Variants in DMD observed in about 807,000 individuals in gnomAD.
DMD encodes dystrophin, also known as mutant dystrophin.
DMD carries 63 observed loss-of-function variants against 330.1 expected under a neutral mutation model. The observed-to-expected ratio is 0.19, with a 90% CI of 0.16 to 0.24. DMD has a LOEUF of 0.24. Among genes scored for constraint, DMD ranks in the 10% least tolerant of loss-of-function variants. The pLI is 1.00. For synonymous variants in DMD, 1,223 were observed against 959.8 expected, an observed-to-expected ratio of 1.27 and a Z score of -5.07; for missense variants, 3,344 against 2,684.1, an observed-to-expected ratio of 1.25 and a Z score of -5.43.
Position 31,831,748 on chromosome X carries a change from G to A in DMD, c.7200+4970C>T, listed in dbSNP as rs756067213. ...CGAGTAGCTGGGACTACAGATGCCT[G>A]CCACCAAGCCCGGCTAATTTTGTTT... is the stretch of plus-strand genomic sequence containing the variant. On this transcript the variant is annotated intron_variant, in intron 49 of 78. Coordinates refer to ENST00000357033, the MANE Select transcript of DMD (RefSeq NM_004006.3). 1.1e-4 allele frequency among the ~76,000 whole-genome samples: 12 copies of A among 110,540 alleles called. No homozygotes were observed. The South Asian group carries it at 1.9e-3, about 18-fold the overall frequency.
At chrX:31,898,528 C>A (rs1333336145) in intron 47 of DMD, among the ~76,000 whole-genome samples, 4 of 111,586 alleles carry the variant, frequency 3.6e-5, no homozygotes, top group African/African-American at 1.3e-4. Flanking sequence ...AAAGGATTCC[C>A]TATTTAATAA....
intron 11 of DMD, among the ~76,000 whole-genome samples, chrX:32,614,711 C>T (rs1183023563): frequency 9.0e-6 from 1 of 111,112 alleles, no homozygotes; most frequent in Non-Finnish European, 1.9e-5. Flanking sequence ...AACTGAAGTG[C>T]AAAGCATCTG....
intron 2 of DMD, among the ~76,000 whole-genome samples, chrX:32,903,386 C>T (rs756738078): frequency 2.7e-5 from 3 of 109,413 alleles, no homozygotes; most frequent in South Asian, 8.0e-4. Flanking sequence ...GCAGAGGAGG[C>T]GAGGTAGAGG....
chrX:31,925,142 G>C (rs1281053051), intron 47 of DMD, among the ~76,000 whole-genome samples: 1 of 110,642 alleles, frequency 9.0e-6, no homozygotes, highest in Non-Finnish European at 1.9e-5. Flanking sequence ...TCTCAAAAAG[G>C]GCAAAAACCA....
At chrX:31,710,027 C>G (rs184690127) in intron 52 of DMD, among the ~76,000 whole-genome samples, 1 of 111,758 alleles carries the variant, frequency 8.9e-6, no homozygotes, top group Admixed American at 9.5e-5. Flanking sequence ...CCTCAGATAG[C>G]CTGGGGAGCT....
At chrX:32,270,857 T>C (rs1189389288) in intron 43 of DMD, among the ~76,000 whole-genome samples, 1 of 111,669 alleles carries the variant, frequency 9.0e-6, no homozygotes, top group Non-Finnish European at 1.9e-5. Flanking sequence ...TAAGTGCTTA[T>C]TGTTCTTTTG....
At chrX:32,362,039 A>T (rs1296327583) in intron 37 of DMD, among the ~76,000 whole-genome samples, 3 of 111,874 alleles carry the variant, frequency 2.7e-5, no homozygotes, top group Non-Finnish European at 3.8e-5. Context: ...CTACTTATTA[A>T]ATAAGACTTT....
chrX:31,204,716 G>A (rs2043889580), intron 66 of DMD, among the ~76,000 whole-genome samples: 1 of 111,790 alleles, frequency 8.9e-6, no homozygotes, highest in South Asian at 3.8e-4. Context: ...TCTGCCTCCC[G>A]GGTTCAAGCC....
intron 51 of DMD, among the ~76,000 whole-genome samples, chrX:31,756,312 A>G (rs1381621307): frequency 1.9e-5 from 2 of 106,189 alleles, no homozygotes; most frequent in African/African-American, 6.7e-5. Context: ...AATAAAGCCT[A>G]TTTTAATGTA....
chrX:32,223,343 G>A (rs2097137625), intron 43 of DMD, among the ~76,000 whole-genome samples: 1 of 111,528 alleles, frequency 9.0e-6, no homozygotes, highest in African/African-American at 3.3e-5. Flanking sequence ...AACAAAGAAG[G>A]AGCCCTCATG....
At chrX:32,346,148 A>T in intron 38 of DMD, 68 bp from the exon 39 acceptor site, 1 of 1,098,215 alleles carries the variant, frequency 9.1e-7, no homozygotes, top group South Asian at 1.9e-5. Context: ...TAACAGAGAT[A>T]ATAAGACATG....
chrX:32,349,170 T>G (rs1409693027), intron 37 of DMD, among the ~76,000 whole-genome samples: 1 of 111,691 alleles, frequency 9.0e-6, no homozygotes, highest in Non-Finnish European at 1.9e-5. Context: ...TTCTTTACTT[T>G]TGAACTGATA....
rs186134987 is a variant in DMD, at chrX:33,267,220, T to A, written c.7+72039A>T. Among the ~76,000 whole-genome samples the A allele has an allele frequency of 2.3e-3, 259 of 110,822 alleles. 2 individuals carry two copies. The highest frequency in any genetic ancestry group is 7.8e-3 in the African/African-American group (237 of 30,559). On this transcript the variant is annotated intron_variant, in intron 1 of 17. Coordinates refer to the DMD transcript ENST00000288447. The stretch of plus-strand genomic sequence containing the variant: ...AATTAATAGCATTTCTATACAACAA[T>A]AATGACCAAGCTGAGAGTCAAATGA...
At chrX:32,830,597 A>T (rs755547647) in intron 4 of DMD, among the ~76,000 whole-genome samples, 3 of 111,527 alleles carry the variant, frequency 2.7e-5, no homozygotes, top group Non-Finnish European at 5.7e-5. Context: ...ATACCAAAAT[A>T]GGTGTGAAAA....
At chrX:32,881,340 A>G (rs938645657) in intron 2 of DMD, among the ~76,000 whole-genome samples, 4 of 112,907 alleles carry the variant, frequency 3.5e-5, no homozygotes, top group Non-Finnish European at 7.5e-5. Context: ...CTTTCTGTGA[A>G]GACAATTATG....
intron 12 of DMD, among the ~76,000 whole-genome samples, chrX:32,605,259 C>G (rs921852920): frequency 3.6e-5 from 4 of 110,199 alleles, no homozygotes; most frequent in African/African-American, 9.8e-5. Context: ...ATATCTATGA[C>G]CAACACATCT....
chrX:31,170,049 T>G (rs1374946281), intron 73 of DMD, among the ~76,000 whole-genome samples: 1 of 112,010 alleles, frequency 8.9e-6, no homozygotes, highest in Non-Finnish European at 1.9e-5. Flanking sequence ...AGGAAATATT[T>G]TATTAAGTGG....
chrX:33,009,524 GTATGTGTGTATGTGTATATACACA>G lies in DMD; in HGVS notation c.93+10591_93+10614del, dbSNP rs2093567822. Among the ~76,000 whole-genome samples the G allele has an allele frequency of 3.7e-5, 3 of 80,784 alleles. 1 individual carries two copies. Among genetic ancestry groups the G allele is most frequent in the Non-Finnish European group, 6.9e-5 (3 of 43,306 alleles). The allele number at this position is 80,784 out of a possible 115,157, so 70.2% of individuals were successfully genotyped here. On this transcript the variant is annotated intron_variant, in intron 2 of 78. Coordinates refer to ENST00000357033, the MANE Select transcript of DMD (RefSeq NM_004006.3). ...TATATGTGTATATACACATATGTGTGTATGTGTGTATGTGTATATACACATATGTGTGTATGTGTGTATGTGTAT... is the reference window on the plus strand; with the variant it reads ...TATATGTGTATATACACATATGTGTGTATGTGTGTATGTGTGTATGTGTAT...
At chrX:31,698,990 A>C (rs2083623444) in intron 52 of DMD, among the ~76,000 whole-genome samples, 1 of 112,117 alleles carries the variant, frequency 8.9e-6, no homozygotes, top group Admixed American at 9.5e-5. Context: ...TTAGTTTGGA[A>C]CATGGAAAAG....
Sources: allele counts gnomAD v4.1 joint callset (sites outside exome capture counted in the v4.1 genomes callset), GRCh38; gene constraint gnomAD v4.1.1; transcripts MANE v1.5; gene names NCBI Gene and HGNC (gene_info 2026-07-23, HGNC 2026-07-21).